The following GSE1 variants were observed in gnomAD, a reference collection of about 807,000 sequenced individuals.
GSE1 encodes genetic suppressor element 1.
Under a neutral mutation model 112.6 loss-of-function variants are expected in GSE1, and 32 were observed. The ratio of observed to expected loss-of-function variants is 0.28; its 90% CI spans 0.21 to 0.38. The LOEUF (loss-of-function observed/expected upper bound fraction) is 0.38. Ranked by LOEUF, GSE1 falls within the 10% of genes least tolerant of loss-of-function variation. GSE1 has a pLI of 1.00. For missense variants in GSE1, 2,348 were observed against 1,699.2 expected, an observed-to-expected ratio of 1.38 and a Z score of -6.71; for synonymous variants, 1,115 against 735.6, an observed-to-expected ratio of 1.52 and a Z score of -8.35.
intron 1 of GSE1, among the ~76,000 whole-genome samples, chr16:85,623,891 G>A (rs1255162467): frequency 2.0e-5 from 3 of 152,142 alleles, no homozygotes; most frequent in African/African-American, 4.8e-5. Flanking sequence ...CTCCTGTACG[G>A]CCTGGTCCCT....
chr16:85,459,372 G>T (rs2049915299), intron 2 of GSE1, among the ~76,000 whole-genome samples: 1 of 152,214 alleles, frequency 6.6e-6, no homozygotes, highest in Non-Finnish European at 1.5e-5. Context: ...GCTGGTTGTT[G>T]AAGAGTAGAG....
intron 2 of GSE1, among the ~76,000 whole-genome samples, chr16:85,396,668 C>T (rs2047973418): frequency 1.3e-5 from 2 of 152,382 alleles, no homozygotes; most frequent in African/African-American, 2.4e-5. Context: ...TCAGGCCATT[C>T]TCAGGACCCC....
chr16:85,648,316 C>T (rs573585016), intron 2 of GSE1, among the ~76,000 whole-genome samples: 5 of 152,204 alleles, frequency 3.3e-5, no homozygotes, highest in South Asian at 4.1e-4. Flanking sequence ...GTGAGCAGGG[C>T]CCGTGGGGCA....
At chr16:85,615,015 T>A (rs888009619) in intron 1 of GSE1, among the ~76,000 whole-genome samples, 1 of 152,082 alleles carries the variant, frequency 6.6e-6, no homozygotes, top group Non-Finnish European at 1.5e-5. Flanking sequence ...TCTCGTCCTC[T>A]CCTCTGGGAT....
intron 1 of GSE1, among the ~76,000 whole-genome samples, chr16:85,231,968 A>G (rs796483758): frequency 1.3e-4 from 20 of 152,282 alleles, no homozygotes; most frequent in African/African-American, 3.4e-4. Flanking sequence ...ACCGCCATGA[A>G]TGCCAGTGTT....
At chr16:85,573,713 G>C (rs1319982330) in intron 1 of GSE1, among the ~76,000 whole-genome samples, 1 of 152,220 alleles carries the variant, frequency 6.6e-6, no homozygotes, top group Non-Finnish European at 1.5e-5. Context: ...CGCGTCCGGA[G>C]GGGGAGCCGG....
At chr16:85,477,564 T>C (rs77744568) in intron 2 of GSE1, among the ~76,000 whole-genome samples, 2 of 110,512 alleles carry the variant, frequency 1.8e-5, no homozygotes, top group Non-Finnish European at 4.3e-5. Flanking sequence ...GGTTTTTTTT[T>C]TGTTTTTTTT....
At chr16:85,628,843 G>C (rs1033974216) in intron 1 of GSE1, among the ~76,000 whole-genome samples, 13 of 152,320 alleles carry the variant, frequency 8.5e-5, no homozygotes, top group Middle Eastern at 3.4e-3. Flanking sequence ...CTGGGGTCTG[G>C]TCTGGGACTC....
At chr16:85,384,304 TG>T (rs938037575) in intron 2 of GSE1, among the ~76,000 whole-genome samples, 2 of 152,168 alleles carry the variant, frequency 1.3e-5, no homozygotes, top group African/African-American at 4.8e-5. Context: ...CGGCCCATCC[TG>T]GGAGGGCTGG....
intron 1 of GSE1, among the ~76,000 whole-genome samples, chr16:85,263,578 CTT>C (rs34811885): frequency 6.9e-6 from 1 of 145,938 alleles, no homozygotes. Context: ...TTTTTCTTTC[CTT>C]TTTTTTTTTT....
upstream of GSE1, chr16:85,555,373 G>A (rs1042549318): frequency 1.0e-6 from 1 of 984,914 alleles, no homozygotes; most frequent in Non-Finnish European, 1.2e-6. Context: ...TGGGACGCCG[G>A]GCCAGGGAGA....
chr16:85,645,821 A>G (rs74034008), intron 2 of GSE1, among the ~76,000 whole-genome samples: 1 of 152,172 alleles, frequency 6.6e-6, no homozygotes, highest in African/African-American at 2.4e-5. Flanking sequence ...CACGCATTCT[A>G]CCTGCTTCTA....
At chr16:85,559,844 C>A (rs1383784964) in intron 1 of GSE1, among the ~76,000 whole-genome samples, 1 of 152,202 alleles carries the variant, frequency 6.6e-6, no homozygotes, top group Non-Finnish European at 1.5e-5. Flanking sequence ...GTTCCTCTGG[C>A]AGCTTTCACA....
At chr16:85,446,892 C>T (rs964232965) in intron 2 of GSE1, among the ~76,000 whole-genome samples, 10 of 152,146 alleles carry the variant, frequency 6.6e-5, no homozygotes, top group African/African-American at 2.2e-4. Flanking sequence ...TCTGGCCTTC[C>T]GTTCCCTCTG....
At chr16:85,475,889 G>A (rs1238202757) in intron 2 of GSE1, among the ~76,000 whole-genome samples, 2 of 150,790 alleles carry the variant, frequency 1.3e-5, no homozygotes, top group African/African-American at 2.5e-5. Context: ...CTCCCTAAGC[G>A]CTAGCATTAC....
chr16:85,203,267 A>G (rs1053713196), intron 1 of GSE1, among the ~76,000 whole-genome samples: 21 of 152,242 alleles, frequency 1.4e-4, no homozygotes, highest in African/African-American at 4.8e-4. Flanking sequence ...CAGCCCTGCA[A>G]CAGCTTCGCA....
At chr16:85,336,105 C>A (rs959978476) in intron 1 of GSE1, among the ~76,000 whole-genome samples, 2 of 152,164 alleles carry the variant, frequency 1.3e-5, no homozygotes, top group Non-Finnish European at 1.5e-5. Flanking sequence ...GGCCAGGGTC[C>A]TCCTGGAAGC....
chr16:85,511,668 A>T (rs951108314), intron 2 of GSE1, among the ~76,000 whole-genome samples: 5 of 152,168 alleles, frequency 3.3e-5, no homozygotes, highest in East Asian at 1.9e-4. Flanking sequence ...GTCCTGGGGT[A>T]TCCAGGTGGC....
intron 2 of GSE1, among the ~76,000 whole-genome samples, chr16:85,369,971 A>G (rs192980567): frequency 2.6e-5 from 4 of 152,280 alleles, no homozygotes; most frequent in Non-Finnish European, 5.9e-5. Context: ...CTCCTTGGGA[A>G]CACGGGGCTG....
Sources: gnomAD v4.1 joint callset for allele counts (sites outside exome capture counted in the v4.1 genomes callset) on GRCh38, gnomAD v4.1.1 for gene constraint, MANE v1.5 for transcripts, NCBI Gene and HGNC (gene_info 2026-07-23, HGNC 2026-07-21) for gene names.